MAGI1: variants seen among roughly 807,000 people sequenced by gnomAD.
MAGI1 encodes the protein membrane associated guanylate kinase, WW and PDZ domain containing 1.
Under a neutral mutation model 139.9 loss-of-function variants are expected in MAGI1, and 58 were observed. The observed-to-expected ratio is 0.41, with a 90% confidence interval of 0.34 to 0.52. MAGI1 has a LOEUF of 0.52. Among genes scored for constraint, MAGI1 ranks in the 20% least tolerant of loss-of-function variants. The pLI is 0.12. For synonymous variants in MAGI1, 812 were observed against 737.9 expected (o/e 1.10, Z -1.63); for missense variants, 1,874 against 1,901.6 (o/e 0.99, Z 0.27).
At chr3:65,359,330 A>C in intron 22 of MAGI1, 1 of 1,416,490 alleles carries the variant, frequency 7.1e-7, no homozygotes, top group Non-Finnish European at 9.2e-7. Context: ...CAACACTCAA[A>C]TAAGGCTGCA....
chr3:65,396,592 T>C lies in MAGI1; in HGVS notation c.2199+4847A>G, dbSNP rs189717389. Reference sequence around the variant, plus strand: ...GAAAATATTTGCTTGGAAGAGCAAATGAATACAGACAGCACTTAGGAGCTT... The same window carrying C: ...GAAAATATTTGCTTGGAAGAGCAAACGAATACAGACAGCACTTAGGAGCTT... On this transcript the variant is annotated intron_variant, in intron 13 of 22. Coordinates refer to ENST00000402939, the MANE Select transcript of MAGI1 (RefSeq NM_001033057.2). 2.7e-4 allele frequency among the ~76,000 whole-genome samples: 41 copies of C among 152,334 alleles called. 2 individuals carry two copies. In the East Asian group the frequency reaches 2.7e-3, roughly 10 times the overall value.
At chr3:65,508,992 C>A (rs1458874082) in intron 2 of MAGI1, among the ~76,000 whole-genome samples, 1 of 152,168 alleles carries the variant, frequency 6.6e-6, no homozygotes, top group African/African-American at 2.4e-5. Context: ...CAGGGAAGAC[C>A]TGGTGATACG....
At chr3:65,929,962 A>T (rs974135850) in intron 1 of MAGI1, among the ~76,000 whole-genome samples, 5 of 152,160 alleles carry the variant, frequency 3.3e-5, no homozygotes, top group Admixed American at 3.3e-4. Flanking sequence ...TATCAGCCAA[A>T]GAGGAAAATA....
At chr3:65,539,795 T>G (rs371177016) in intron 2 of MAGI1, among the ~76,000 whole-genome samples, 29 of 152,208 alleles carry the variant, frequency 1.9e-4, no homozygotes, top group Non-Finnish European at 3.4e-4. Context: ...TACATACCAA[T>G]GCTTTCTAAT....
chr3:65,927,860 A>G (rs947845924), intron 1 of MAGI1, among the ~76,000 whole-genome samples: 1 of 152,148 alleles, frequency 6.6e-6, no homozygotes, highest in African/African-American at 2.4e-5. Context: ...TGAGCCAAGC[A>G]GACCACACCT....
At chr3:65,749,234 A>C (rs1405627942) in intron 1 of MAGI1, among the ~76,000 whole-genome samples, 1 of 152,172 alleles carries the variant, frequency 6.6e-6, no homozygotes, top group Non-Finnish European at 1.5e-5. Context: ...AATGTCTGTA[A>C]GTGCATGATG....
intron 5 of MAGI1, among the ~76,000 whole-genome samples, chr3:65,466,538 G>C (rs1007391983): frequency 6.6e-5 from 10 of 152,136 alleles, no homozygotes; most frequent in Non-Finnish European, 1.5e-4. Context: ...CAGCTAGGCT[G>C]GGAGGGGTAG....
intron 1 of MAGI1, among the ~76,000 whole-genome samples, chr3:65,697,157 T>C (rs2089273437): frequency 6.6e-6 from 1 of 151,884 alleles, no homozygotes; most frequent in South Asian, 2.1e-4. Context: ...ACATACACTC[T>C]CCCAAGACTA....
At chr3:65,440,828 T>A (rs892021215) in intron 8 of MAGI1, among the ~76,000 whole-genome samples, 59 of 88,140 alleles carry the variant, frequency 6.7e-4, no homozygotes, top group Admixed American at 3.2e-3. Context: ...TGTGTACATG[T>A]ATACATATAC....
chr3:65,738,689 C>T (rs556750915), intron 1 of MAGI1, among the ~76,000 whole-genome samples: 19 of 152,368 alleles, frequency 1.2e-4, no homozygotes, highest in African/African-American at 4.6e-4. Flanking sequence ...CAACATTCAT[C>T]TCCATGTACA....
chr3:65,799,100 C>A (rs2040344860), intron 1 of MAGI1, among the ~76,000 whole-genome samples: 1 of 152,078 alleles, frequency 6.6e-6, no homozygotes, highest in South Asian at 2.1e-4. Flanking sequence ...GGTGAAAATT[C>A]TCGATTTAAT....
At chr3:65,599,498 C>T (rs376312438) in intron 2 of MAGI1, among the ~76,000 whole-genome samples, 1 of 152,262 alleles carries the variant, frequency 6.6e-6, no homozygotes, top group East Asian at 1.9e-4. Flanking sequence ...GAGTCAGACT[C>T]ACTAGGTTCC....
At chr3:65,973,220 C>A (rs142930694) in intron 1 of MAGI1, among the ~76,000 whole-genome samples, 1 of 152,030 alleles carries the variant, frequency 6.6e-6, no homozygotes, top group African/African-American at 2.4e-5. Context: ...CTCAGCAGAA[C>A]AGGTGCCCCC....
intron 1 of MAGI1, among the ~76,000 whole-genome samples, chr3:65,923,015 A>C (rs1210867090): frequency 2.0e-5 from 3 of 152,152 alleles, no homozygotes; most frequent in African/African-American, 4.8e-5. Context: ...AGATTTGCAA[A>C]TTATAGCTTC....
intron 22 of MAGI1, chr3:65,360,833 T>C: frequency 9.1e-7 from 1 of 1,095,264 alleles, no homozygotes; most frequent in Non-Finnish European, 1.1e-6. Flanking sequence ...GGAAACCTGC[T>C]TTCCTGCTTC....
chr3:65,734,470 AAAAGAAAGAAGAG>A (rs1247653016), intron 1 of MAGI1, among the ~76,000 whole-genome samples: 3 of 151,486 alleles, frequency 2.0e-5, no homozygotes, highest in African/African-American at 7.3e-5. Context: ...GAAAAAAAAA[AAAAGAAAGAAGAG>A]AAAGAAAGAG....
chr3:65,959,652 A>G (rs1240392965), intron 1 of MAGI1, among the ~76,000 whole-genome samples: 3 of 143,630 alleles, frequency 2.1e-5, no homozygotes, highest in Non-Finnish European at 3.0e-5. Flanking sequence ...TATTATTGAG[A>G]CAAGGTCTCC....
rs62255323 is a variant in MAGI1, at chr3:65,519,385, C to T, written c.431-25754G>A. 2.6e-3 allele frequency among the ~76,000 whole-genome samples: 173 copies of T among 66,926 alleles called. 1 individual carries two copies. Among genetic ancestry groups the T allele is most frequent in the Non-Finnish European group, 2.5e-3 (82 of 32,188 alleles). 43.9% of individuals were successfully genotyped at this position (66,926 alleles called of 152,430 possible). ...ACACACACACACACACACACACACA[C>T]ATATATATAATTTTTTTTTGGATGG... On this transcript the variant is annotated intron_variant, in intron 2 of 22. Transcript: ENST00000402939.
At chr3:65,876,235 T>C (rs1218293311) in intron 1 of MAGI1, among the ~76,000 whole-genome samples, 1 of 151,672 alleles carries the variant, frequency 6.6e-6, no homozygotes, top group African/African-American at 2.4e-5. Flanking sequence ...TGCAAGAGGA[T>C]CACTTGGGCC....
Sources: gnomAD v4.1 joint callset for allele counts (sites outside exome capture counted in the v4.1 genomes callset) on GRCh38, gnomAD v4.1.1 for gene constraint, MANE v1.5 for transcripts, NCBI Gene and HGNC (gene_info 2026-07-23, HGNC 2026-07-21) for gene names.